The following NELL1 variants were observed in gnomAD, a reference collection of about 807,000 sequenced individuals.
NELL1 encodes the protein protein kinase C-binding protein NELL1.
A neutral mutation model predicts 107.4 loss-of-function variants in NELL1; 76 were observed. The ratio of observed to expected loss-of-function variants is 0.71; its 90% CI spans 0.59 to 0.86. The LOEUF is 0.86. Among genes scored for constraint, NELL1 ranks in the 40% least tolerant of loss-of-function variants. The pLI is 0.00. For missense variants in NELL1, 1,024 were observed against 1,005.5 expected (o/e 1.02, Z -0.25); for synonymous variants, 353 against 341.2 (o/e 1.03, Z -0.38).
intron 15 of NELL1, among the ~76,000 whole-genome samples, chr11:21,408,246 C>A (rs1212265590): frequency 6.6e-6 from 1 of 152,002 alleles, no homozygotes; most frequent in Admixed American, 6.6e-5. Flanking sequence ...ATTATAGTAG[C>A]TCCCATCTCA....
intron 2 of NELL1, among the ~76,000 whole-genome samples, chr11:20,756,659 C>T (rs1856299171): frequency 8.2e-6 from 1 of 122,450 alleles, no homozygotes; most frequent in Non-Finnish European, 1.7e-5. Flanking sequence ...CCACACCAGG[C>T]CAGAAAATTC....
chr11:21,369,755 G>A (rs1851315839), intron 14 of NELL1, among the ~76,000 whole-genome samples: 1 of 151,952 alleles, frequency 6.6e-6, no homozygotes, highest in Non-Finnish European at 1.5e-5. Context: ...GTTAACAGTT[G>A]CAATATCTTC....
intron 15 of NELL1, among the ~76,000 whole-genome samples, chr11:21,423,423 A>G (rs923033979): frequency 6.6e-6 from 1 of 152,162 alleles, no homozygotes; most frequent in African/African-American, 2.4e-5. Flanking sequence ...TTTCAATATA[A>G]CATGAATATA....
intron 12 of NELL1, among the ~76,000 whole-genome samples, chr11:21,008,604 G>C (rs936215051): frequency 6.6e-6 from 1 of 152,026 alleles, no homozygotes; most frequent in Non-Finnish European, 1.5e-5. Context: ...AACTAATAAG[G>C]AGAAAAGCTA....
intron 2 of NELL1, among the ~76,000 whole-genome samples, chr11:20,751,281 T>C (rs1325884642): frequency 3.3e-5 from 5 of 152,204 alleles, no homozygotes; most frequent in Admixed American, 3.3e-4. Flanking sequence ...TATTTTGATT[T>C]GGATTGCATT....
intron 12 of NELL1, among the ~76,000 whole-genome samples, chr11:21,040,363 T>C (rs1853200220): frequency 6.6e-6 from 1 of 152,204 alleles, no homozygotes; most frequent in Admixed American, 6.5e-5. Flanking sequence ...GATAAACATC[T>C]TTTTACTCAT....
In NELL1 at chr11:20,990,954, T is replaced by G. The variant is rs1590509414; in HGVS notation, c.1300+30394T>G. Reference sequence around the variant, plus strand: ...GCCATGCTCTGTGGGTATCTTCTGGTGGTTTCCACTCCTGGATTCCACAGC... The same window carrying G: ...GCCATGCTCTGTGGGTATCTTCTGGGGGTTTCCACTCCTGGATTCCACAGC... On this transcript the variant is annotated intron_variant, in intron 12 of 19. Coordinates refer to ENST00000357134, the MANE Select transcript of NELL1 (RefSeq NM_006157.5). 2.0e-5 allele frequency among the ~76,000 whole-genome samples: 3 copies of G among 148,672 alleles called. No homozygotes were observed. The South Asian group carries it at 6.3e-4, about 31-fold the overall frequency.
intron 14 of NELL1, among the ~76,000 whole-genome samples, chr11:21,307,330 G>A (rs560662785): frequency 6.6e-6 from 1 of 151,940 alleles, no homozygotes; most frequent in Non-Finnish European, 1.5e-5. Flanking sequence ...ATGTGTGTGT[G>A]TTTGTGTGTG....
chr11:21,571,178 C>T (rs1215146666), intron 18 of NELL1, among the ~76,000 whole-genome samples: 1 of 151,812 alleles, frequency 6.6e-6, no homozygotes, highest in African/African-American at 2.4e-5. Context: ...CAGTTTACAG[C>T]TATTACTAAA....
At chr11:21,334,727 T>C (rs1257647592) in intron 14 of NELL1, among the ~76,000 whole-genome samples, 1 of 152,024 alleles carries the variant, frequency 6.6e-6, no homozygotes, top group African/African-American at 2.4e-5. Flanking sequence ...TTATTAGTTT[T>C]CATACAATGT....
chr11:21,276,945 C>T, intron 14 of NELL1, among the ~76,000 whole-genome samples: 1 of 151,560 alleles, frequency 6.6e-6, no homozygotes. Flanking sequence ...CATAAAAACC[C>T]TAGAAGAAAA....
chr11:20,748,958 A>ATCCG (rs1470512190), intron 2 of NELL1, among the ~76,000 whole-genome samples: 18 of 150,390 alleles, frequency 1.2e-4, no homozygotes, highest in Non-Finnish European at 2.5e-4. Context: ...CCATCCATCC[A>ATCCG]TATTTTGACA....
chr11:21,517,130 A>G (rs1008184107), intron 15 of NELL1, among the ~76,000 whole-genome samples: 2 of 151,970 alleles, frequency 1.3e-5, no homozygotes, highest in Admixed American at 6.6e-5. Flanking sequence ...GATTCATGGT[A>G]TATGCTGTTA....
rs151052467 is a variant in NELL1, at chr11:21,552,695, T to C, written c.1787-7494T>C. Among the ~76,000 whole-genome samples, 431 of 151,886 alleles carry C rather than the reference T, an allele frequency of 2.8e-3. 4 individuals carry two copies. The highest frequency in any genetic ancestry group is 1.0e-2 in the African/African-American group (414 of 41,512). ...CGAACCAGTTGTTTGTTTAGCATTT[T>C]ATAGAAGAAATATGAAGAGAGGATC... On this transcript the variant is annotated intron_variant, in intron 16 of 19. Coordinates refer to ENST00000357134, the MANE Select transcript of NELL1 (RefSeq NM_006157.5).
intron 13 of NELL1, among the ~76,000 whole-genome samples, chr11:21,186,995 A>T (rs754172274): frequency 3.3e-5 from 5 of 151,904 alleles, no homozygotes; most frequent in Non-Finnish European, 5.9e-5. Context: ...CATTTCTGTC[A>T]TTGGTGAAAT....
intron 13 of NELL1, among the ~76,000 whole-genome samples, chr11:21,160,105 A>T (rs1856329470): frequency 6.6e-6 from 1 of 152,232 alleles, no homozygotes; most frequent in Non-Finnish European, 1.5e-5. Context: ...TTTATTAAGG[A>T]TAAGCACATT....
At chr11:21,362,672 G>T (rs1283307319) in intron 14 of NELL1, among the ~76,000 whole-genome samples, 2 of 152,176 alleles carry the variant, frequency 1.3e-5, no homozygotes, top group Non-Finnish European at 2.9e-5. Flanking sequence ...GTAGTAGGGG[G>T]CTCTAAGCTT....
At chr11:20,997,113 C>T (rs1852108515) in intron 12 of NELL1, among the ~76,000 whole-genome samples, 1 of 152,116 alleles carries the variant, frequency 6.6e-6, no homozygotes, top group South Asian at 2.1e-4. Context: ...AAAAACACAT[C>T]AAAGTGTATT....
chr11:21,456,640 A>T (rs1268987868), intron 15 of NELL1, among the ~76,000 whole-genome samples: 1 of 152,190 alleles, frequency 6.6e-6, no homozygotes, highest in African/African-American at 2.4e-5. Context: ...CTTTCTCAAC[A>T]AATATTTATT....
Sources: allele counts gnomAD v4.1 joint callset (sites outside exome capture counted in the v4.1 genomes callset), GRCh38; gene constraint gnomAD v4.1.1; transcripts MANE v1.5; gene names NCBI Gene and HGNC (gene_info 2026-07-23, HGNC 2026-07-21).